Variants in CDH22 observed in about 807,000 individuals in gnomAD.
The protein encoded by CDH22 is cadherin 22.
In CDH22, 30 loss-of-function variants were observed where a neutral mutation model predicts 58.4. The observed-to-expected ratio is 0.51, with a 90% confidence interval of 0.38 to 0.70. The LOEUF (loss-of-function observed/expected upper bound fraction) is 0.70. Among genes scored for constraint, CDH22 ranks in the 30% least tolerant of loss-of-function variants. The pLI is 0.00. For missense variants in CDH22, 1,014 were observed against 1,233.9 expected, an observed-to-expected ratio of 0.82 and a Z score of 2.67; for synonymous variants, 513 against 558.2, an observed-to-expected ratio of 0.92 and a Z score of 1.14.
At position 46,240,967 on chromosome 20, in the gene CDH22, A is replaced by G. The variant is rs750375060; in HGVS notation, c.546T>C (p.Pro182=). The G allele has an allele frequency of 5.1e-5, 82 of 1,610,762 alleles. No homozygotes were observed. Among genetic ancestry groups the G allele is most frequent in the Non-Finnish European group, 6.8e-5 (80 of 1,177,838 alleles). The change falls in exon 3 of 12, where the codon CCT becomes CCC. Residue 182 remains proline (P), a synonymous_variant. Transcript: ENST00000537909. ...PYIGSVAELS[P]TGTSVMQVMA... is the part of the protein sequence containing the mutation. ...CCCCCAGGGCCCACAGCCCACCTGT[A>G]GGTGAGAGCTCGGCCACGCTGCCAA... is the stretch of plus-strand genomic sequence containing the variant.
chr20:46,286,191 G>A (rs1568683399), intron 1 of CDH22, among the ~76,000 whole-genome samples: 1 of 152,164 alleles, frequency 6.6e-6, no homozygotes, highest in Non-Finnish European at 1.5e-5. Flanking sequence ...GAAGGCAGGT[G>A]TTCTCTTACT....
chr20:46,305,839 C>T (rs1253224450), intron 1 of CDH22, among the ~76,000 whole-genome samples: 2 of 152,246 alleles, frequency 1.3e-5, no homozygotes, highest in African/African-American at 2.4e-5. Flanking sequence ...AGCTATGGCC[C>T]GGCCCCCTGT....
chr20:46,295,354 T>C (rs1242435880), intron 1 of CDH22, among the ~76,000 whole-genome samples: 1 of 152,252 alleles, frequency 6.6e-6, no homozygotes. Context: ...GCCCATTTGC[T>C]ACCCAGCCTG....
chr20:46,175,197 T>C (rs2145640667), intron 11 of CDH22, 120 bp from the exon 12 acceptor site: 1 of 929,380 alleles, frequency 1.1e-6, no homozygotes, highest in African/African-American at 1.7e-5. Context: ...TCAACATTCC[T>C]ACAGATTTCC....
chr20:46,264,966 A>T (rs1455850284), intron 1 of CDH22, among the ~76,000 whole-genome samples: 1 of 152,150 alleles, frequency 6.6e-6, no homozygotes, highest in East Asian at 1.9e-4. Context: ...TCACCTGCCC[A>T]GGGGCAACCT....
chr20:46,281,494 C>T (rs1026404963), intron 1 of CDH22, among the ~76,000 whole-genome samples: 13 of 152,180 alleles, frequency 8.5e-5, no homozygotes, highest in Non-Finnish European at 1.5e-4. Context: ...TTGTCCTTGT[C>T]GACAGCTTTT....
chr20:46,193,395 C>A (rs1256870601), intron 8 of CDH22, among the ~76,000 whole-genome samples: 1 of 152,136 alleles, frequency 6.6e-6, no homozygotes, highest in Non-Finnish European at 1.5e-5. Flanking sequence ...AACCACCTGC[C>A]CTGGTCCTGC....
At chr20:46,269,929 C>T (rs1405004273) in intron 1 of CDH22, among the ~76,000 whole-genome samples, 1 of 152,206 alleles carries the variant, frequency 6.6e-6, no homozygotes, top group Non-Finnish European at 1.5e-5. Context: ...CTCCAAACCC[C>T]AGAGCCTCAC....
At chr20:46,235,441 C>G (rs2086245879) in intron 3 of CDH22, among the ~76,000 whole-genome samples, 1 of 152,208 alleles carries the variant, frequency 6.6e-6, no homozygotes, top group Non-Finnish European at 1.5e-5. Flanking sequence ...AAAGTTGTAT[C>G]TTTAGCCTCA....
In CDH22 at chr20:46,241,494, G is replaced by C. The variant is rs952084336; in HGVS notation, c.256-237C>G. Among the ~76,000 whole-genome samples the C allele has an allele frequency of 6.6e-6, 1 of 152,150 alleles. No homozygotes were observed. Among genetic ancestry groups the C allele is most frequent in the African/African-American group, 2.4e-5 (1 of 41,422 alleles). ...GACTCTGCTTTCCCCTCTGCATTCAGAGCTATCAGCCTTGGAGGCAGATCT... is the reference window on the plus strand; with the variant it reads ...GACTCTGCTTTCCCCTCTGCATTCACAGCTATCAGCCTTGGAGGCAGATCT... On this transcript the variant is annotated intron_variant, in intron 2 of 11. Coordinates refer to ENST00000537909, the MANE Select transcript of CDH22 (RefSeq NM_021248.3). The surrounding 1 kb of genome is among the most constrained non-coding windows in gnomAD (Gnocchi z 5.2).
intron 7 of CDH22, 51 bp from the exon 8 acceptor site, chr20:46,199,610 GC>G: frequency 6.3e-7 from 1 of 1,588,034 alleles, no homozygotes; most frequent in Non-Finnish European, 8.6e-7. Context: ...GCCAAATGGA[GC>G]CCATGTCCTT....
chr20:46,270,799 T>G (rs1195598020), intron 1 of CDH22, among the ~76,000 whole-genome samples: 3 of 152,160 alleles, frequency 2.0e-5, no homozygotes, highest in Admixed American at 6.5e-5. Flanking sequence ...GTAGATGATA[T>G]TTAATGCTGA....
intron 1 of CDH22, among the ~76,000 whole-genome samples, chr20:46,292,689 A>T (rs2086609744): frequency 6.6e-6 from 1 of 152,152 alleles, no homozygotes; most frequent in Non-Finnish European, 1.5e-5. Context: ...CACTCCAGTC[A>T]CACAGAACTT....
chr20:46,185,461 C>T (rs1299374431), intron 10 of CDH22, among the ~76,000 whole-genome samples: 2 of 152,058 alleles, frequency 1.3e-5, no homozygotes, highest in Admixed American at 1.3e-4. Flanking sequence ...CACTGACTCC[C>T]TATATGACCC....
At chr20:46,293,200 G>C (rs2037102955) in intron 1 of CDH22, among the ~76,000 whole-genome samples, 1 of 152,150 alleles carries the variant, frequency 6.6e-6, no homozygotes, top group Non-Finnish European at 1.5e-5. Context: ...CCCATCCCCA[G>C]TCCTAGCAAT....
Position 46,186,926 on chromosome 20 carries a change from C to A in CDH22, c.1445G>T (p.Arg482Leu). Residue 482 changes from arginine (R) to leucine (L), a missense_variant, in exon 9 of 12, where the codon CGG (arginine) becomes CTG (leucine). By Grantham distance (102) the Arg-to-Leu change is moderately radical. This residue lies in a region of CDH22 where 806 missense variants were observed against 1,038.7 expected (regional missense o/e 0.78). Transcript: ENST00000537909. ...CAGGATTCGGATCCTTAGGGATGCCCGGGATAGCTGTGCATGATTGTCTGT... is the reference window on the plus strand; with the variant it reads ...CAGGATTCGGATCCTTAGGGATGCCAGGGATAGCTGTGCATGATTGTCTGT... Reference protein sequence around the residue: ...MEADNHAQLSRASLRIRILDV... With the variant: ...MEADNHAQLSLASLRIRILDV... 6.2e-7 allele frequency: 1 copy of A among 1,605,146 alleles called. No homozygotes were observed. Among genetic ancestry groups the A allele is most frequent in the Non-Finnish European group, 8.5e-7 (1 of 1,175,512 alleles).
At chr20:46,269,502 C>T (rs1452047978) in intron 1 of CDH22, among the ~76,000 whole-genome samples, 2 of 152,222 alleles carry the variant, frequency 1.3e-5, no homozygotes, top group Non-Finnish European at 2.9e-5. Flanking sequence ...TCTCACATAA[C>T]CCTATGAGGC....
chr20:46,212,303 G>A (rs1280969390), intron 6 of CDH22, among the ~76,000 whole-genome samples: 1 of 152,216 alleles, frequency 6.6e-6, no homozygotes, highest in Non-Finnish European at 1.5e-5. Flanking sequence ...ACCACTTGTG[G>A]GCCAGTGCAG....
At chr20:46,302,598 C>T (rs780611567) in intron 1 of CDH22, among the ~76,000 whole-genome samples, 3 of 152,252 alleles carry the variant, frequency 2.0e-5, no homozygotes, top group East Asian at 1.9e-4. Context: ...ACCTTGAGAG[C>T]GCCTCAAGAT....
Sources: allele counts gnomAD v4.1 joint callset (sites outside exome capture counted in the v4.1 genomes callset), GRCh38; gene constraint gnomAD v4.1.1; regional missense constraint gnomAD v4.1.1; non-coding constraint Gnocchi (gnomAD v3.1); transcripts MANE v1.5; gene names NCBI Gene and HGNC (gene_info 2026-07-23, HGNC 2026-07-21).